SLC4A10: variants seen among roughly 807,000 people sequenced by gnomAD.
SLC4A10 encodes the protein solute carrier family 4 member 10.
A neutral mutation model predicts 137.7 loss-of-function variants in SLC4A10; 42 were observed. The observed-to-expected ratio is 0.30, with a 90% CI of 0.24 to 0.39. SLC4A10 has a LOEUF of 0.39. Ranked by LOEUF, SLC4A10 falls within the 10% of genes least tolerant of loss-of-function variation. The pLI, the probability that SLC4A10 is intolerant of heterozygous loss-of-function variation, is 1.00. For missense variants in SLC4A10, 925 were observed against 1,355.0 expected, an observed-to-expected ratio of 0.68 and a Z score of 4.98; for synonymous variants, 474 against 464.1, an observed-to-expected ratio of 1.02 and a Z score of -0.27.
intron 10 of SLC4A10, among the ~76,000 whole-genome samples, chr2:161,889,023 T>C (rs111575110): frequency 0.52 from 78,539 of 152,066 alleles, 21,002 homozygotes; most frequent in East Asian, 0.85. Flanking sequence ...GAAGGCCTTT[T>C]CTGCATCTGT....
At chr2:161,680,429 A>G (rs1367472518) in intron 1 of SLC4A10, among the ~76,000 whole-genome samples, 1 of 152,044 alleles carries the variant, frequency 6.6e-6, no homozygotes, top group Non-Finnish European at 1.5e-5. Flanking sequence ...GGAATAGGAG[A>G]GGGAAGTGGG....
At chr2:161,907,814 A>T (rs1462459246) in intron 15 of SLC4A10, among the ~76,000 whole-genome samples, 1 of 152,222 alleles carries the variant, frequency 6.6e-6, no homozygotes, top group African/African-American at 2.4e-5. Flanking sequence ...TAAAACAAGA[A>T]ATGGAATCCA....
intron 15 of SLC4A10, among the ~76,000 whole-genome samples, chr2:161,909,860 A>G (rs1035355838): frequency 6.6e-6 from 1 of 152,236 alleles, no homozygotes; most frequent in Admixed American, 6.5e-5. Context: ...CATGAAGTCC[A>G]GATGACACTT....
rs554320084 is a variant in SLC4A10, at chr2:161,947,732, T to G, written c.2265+5T>G. 1 of 1,609,786 alleles carries G rather than the reference T, an allele frequency of 6.2e-7. No homozygotes were observed. The highest frequency in any genetic ancestry group is 1.7e-5 in the Admixed American group (1 of 59,268). On this transcript the variant is annotated splice_donor_5th_base_variant and intron_variant, in intron 17 of 26. Transcript: ENST00000446997. ...AGCAGATATTTTCCAACCAAGGTAC[T>G]TAGACTATTTCTTGATCTAAATGTA...
intron 3 of SLC4A10, among the ~76,000 whole-genome samples, chr2:161,829,456 T>G (rs1186037375): frequency 1.3e-5 from 2 of 152,280 alleles, no homozygotes; most frequent in East Asian, 3.9e-4. Context: ...GAACTGCAAC[T>G]TCTTTGCTTG....
rs546155741 is a variant in SLC4A10, at chr2:161,655,625, C to A, written c.48+31059C>A. 2.0e-5 allele frequency among the ~76,000 whole-genome samples: 3 copies of A among 152,130 alleles called. No homozygotes were observed. The East Asian group carries it at 5.8e-4, about 29-fold the overall frequency. On this transcript the variant is annotated intron_variant, in intron 1 of 26. Coordinates refer to ENST00000446997, the MANE Select transcript of SLC4A10 (RefSeq NM_001178015.2). ...ATAGTTAAGAAAGAATTCATGACAACCATTTTTAAGCTTTTCCAAAAAACA... is the reference window on the plus strand; with the variant it reads ...ATAGTTAAGAAAGAATTCATGACAAACATTTTTAAGCTTTTCCAAAAAACA...
chr2:161,964,916 A>T (rs558581067), intron 22 of SLC4A10, 135 bp from the exon 23 acceptor site: 11 of 632,912 alleles, frequency 1.7e-5, no homozygotes, highest in African/African-American at 1.7e-4. Context: ...ACAATGTTTT[A>T]TACATATATA....
At position 161,746,370 on chromosome 2, in the gene SLC4A10, A is replaced by G. The variant is rs1163664206; in HGVS notation, c.49-24603A>G. On this transcript the variant is annotated intron_variant, in intron 1 of 26. Coordinates refer to ENST00000446997, the MANE Select transcript of SLC4A10 (RefSeq NM_001178015.2). ...TGAGTCTCTTCCTGTGGCCACCACT[A>G]CCCCAGGCCTGTGATGACTACTGCA... Among the ~76,000 whole-genome samples the G allele has an allele frequency of 3.3e-5, 5 of 151,020 alleles. No homozygotes were observed. The East Asian group carries it at 9.8e-4, about 30-fold the overall frequency.
intron 10 of SLC4A10, among the ~76,000 whole-genome samples, chr2:161,889,373 G>A (rs2062670150): frequency 6.6e-6 from 1 of 152,120 alleles, no homozygotes; most frequent in Admixed American, 6.6e-5. Context: ...GCTCCTCTTT[G>A]TACCTCTGGT....
chr2:161,859,669 C>G (rs1424066248), intron 5 of SLC4A10, among the ~76,000 whole-genome samples: 2 of 133,660 alleles, frequency 1.5e-5, no homozygotes, highest in Non-Finnish European at 3.0e-5. Context: ...GGCGCAATCT[C>G]GGCTCACTGC....
chr2:161,931,997 A>G (rs1690482162), intron 15 of SLC4A10, among the ~76,000 whole-genome samples: 1 of 152,332 alleles, frequency 6.6e-6, no homozygotes, highest in East Asian at 1.9e-4. Flanking sequence ...GAAATTTGCC[A>G]TATTTTCCCT....
In SLC4A10 at chr2:161,837,352, A is replaced by G. The variant is rs191839426; in HGVS notation, c.278-2437A>G. ...AAAAATATAATAGCCTCAAGAAATG[A>G]AATATCTAGGTATAAATTTAACAAA... On this transcript the variant is annotated intron_variant, in intron 3 of 26. Transcript: ENST00000446997. Among the ~76,000 whole-genome samples the G allele has an allele frequency of 1.7e-3, 266 of 152,332 alleles. 1 individual carries two copies. Among genetic ancestry groups the G allele is most frequent in the African/African-American group, 6.2e-3 (259 of 41,574 alleles).
chr2:161,858,968 A>T (rs2060251795), intron 5 of SLC4A10, among the ~76,000 whole-genome samples: 1 of 152,198 alleles, frequency 6.6e-6, no homozygotes, highest in Admixed American at 6.5e-5. Flanking sequence ...TCTGAAAAGT[A>T]AGTATTCTAT....
At chr2:161,896,302 T>G (rs1310862157) in intron 11 of SLC4A10, among the ~76,000 whole-genome samples, 1 of 151,776 alleles carries the variant, frequency 6.6e-6, no homozygotes, top group Non-Finnish European at 1.5e-5. Context: ...TACCATGCTG[T>G]TTTGGTTACT....
chr2:161,665,211 C>T (rs1169353377), intron 1 of SLC4A10, among the ~76,000 whole-genome samples: 1 of 151,760 alleles, frequency 6.6e-6, no homozygotes, highest in Non-Finnish European at 1.5e-5. Flanking sequence ...AATAATCATG[C>T]ACTTTAACTT....
chr2:161,828,806 A>ATATATG (rs2058220575), intron 3 of SLC4A10, among the ~76,000 whole-genome samples: 1 of 120,174 alleles, frequency 8.3e-6, no homozygotes, highest in African/African-American at 3.1e-5. Context: ...ATATATATAT[A>ATATATG]TATGTATAAT....
chr2:161,958,643 C>T lies in SLC4A10; in HGVS notation c.2862+88C>T, dbSNP rs544026535. On this transcript the variant is annotated intron_variant, in intron 21 of 26. Coordinates refer to ENST00000446997, the MANE Select transcript of SLC4A10 (RefSeq NM_001178015.2). Reference sequence around the variant, plus strand: ...TCATGTGACAGCTGAGAAAATGCCACCACCTGAGGAACAGCTTTTAGACCA... The same window carrying T: ...TCATGTGACAGCTGAGAAAATGCCATCACCTGAGGAACAGCTTTTAGACCA... 5.2e-5 allele frequency: 46 copies of T among 885,266 alleles called. No homozygotes were observed. The South Asian group carries it at 6.4e-4, about 12-fold the overall frequency. The allele number at this position is 885,266 out of a possible 1,614,324, so 54.8% of individuals were successfully genotyped here.
At chr2:161,661,386 A>AC (rs753417581) in intron 1 of SLC4A10, among the ~76,000 whole-genome samples, 13 of 152,186 alleles carry the variant, frequency 8.5e-5, no homozygotes, top group Non-Finnish European at 1.6e-4. Context: ...GAGGCAGGAG[A>AC]ATCACTTGAA....
At chr2:161,700,468 A>G (rs2043009627) in intron 1 of SLC4A10, among the ~76,000 whole-genome samples, 3 of 152,124 alleles carry the variant, frequency 2.0e-5, no homozygotes, top group Admixed American at 2.0e-4. Context: ...TTCGTTATGT[A>G]CTTTATCTCC....
Sources: allele counts gnomAD v4.1 joint callset (sites outside exome capture counted in the v4.1 genomes callset), GRCh38; gene constraint gnomAD v4.1.1; transcripts MANE v1.5; gene names NCBI Gene and HGNC (gene_info 2026-07-23, HGNC 2026-07-21).